CLIC5: variants seen among roughly 807,000 people sequenced by gnomAD.
CLIC5 encodes CLIC family member 5.
In CLIC5, 20 loss-of-function variants were observed where a neutral mutation model predicts 24.7. The observed-to-expected ratio is 0.81, with a 90% CI of 0.57 to 1.18. The LOEUF is 1.18. Ranked by LOEUF, CLIC5 falls within the 50% of genes most tolerant of loss-of-function variation. CLIC5 has a pLI of 0.00. For synonymous variants in CLIC5, 159 were observed against 135.6 expected, an observed-to-expected ratio of 1.17 and a Z score of -1.20; for missense variants, 341 against 326.1, an observed-to-expected ratio of 1.05 and a Z score of -0.35.
At chr6:46,084,794 G>A (rs1762996694), upstream of CLIC5, among the ~76,000 whole-genome samples, 1 of 152,140 alleles carries the variant, frequency 6.6e-6, no homozygotes, top group South Asian at 2.1e-4. Context: ...GACGTTCTCT[G>A]TATTTCCTGA....
chr6:46,016,266 T>C (rs1454627794), upstream of CLIC5, among the ~76,000 whole-genome samples: 7 of 151,988 alleles, frequency 4.6e-5, no homozygotes, highest in Admixed American at 4.6e-4. Flanking sequence ...GTCTTCTGTT[T>C]CTTTAATAAA....
In CLIC5 at chr6:45,979,548, G is replaced by A. The variant is rs1765498367; in HGVS notation, c.64-24304C>T. Among the ~76,000 whole-genome samples, 5 of 152,110 alleles carry A rather than the reference G, an allele frequency of 3.3e-5. 1 individual carries two copies. In the South Asian group the frequency reaches 1.0e-3, roughly 32 times the overall value. On this transcript the variant is annotated intron_variant, in intron 1 of 5. Coordinates refer to ENST00000339561, the MANE Select transcript of CLIC5 (RefSeq NM_016929.5). ...TTCTGCCTTGTCCTGAATCACATTG[G>A]GCTGACAAGATTAGATATTCCTACT...
At chr6:46,125,546 G>A in the CLIC5 span, among the ~76,000 whole-genome samples, 100 of 152,134 alleles carry the variant, frequency 6.6e-4, no homozygotes, top group African/African-American at 1.9e-3. Flanking sequence ...TGCACGTTGT[G>A]CACATGTACC....
Position 45,898,881 on chromosome 6 carries a change from T to C in CLIC5, c.*4207A>G, listed in dbSNP as rs1358904998. ...AAAATACTTCAGATGACTGGATCCT[T>C]AAAAGTACATTTTACCAAAAACAGA... is the stretch of plus-strand genomic sequence containing the variant. On this transcript the variant is annotated 3_prime_UTR_variant, in exon 6 of 6. Coordinates refer to ENST00000339561, the MANE Select transcript of CLIC5 (RefSeq NM_016929.5). 1 of 152,362 alleles carries C rather than the reference T, an allele frequency of 6.6e-6. No individual in the cohort carries two copies. The highest frequency in any genetic ancestry group is 1.5e-5 in the Non-Finnish European group (1 of 68,030). The allele number at this position is 152,362 out of a possible 1,614,324, so 9.4% of individuals were successfully genotyped here. A position where few individuals can be genotyped will look rare whatever the true frequency, so the allele number is the denominator to read the frequency against.
intron 1 of CLIC5, among the ~76,000 whole-genome samples, chr6:45,956,637 C>A (rs1009289069): frequency 2.6e-5 from 4 of 152,142 alleles, no homozygotes; most frequent in Non-Finnish European, 5.9e-5. Context: ...TTCTACCTTG[C>A]AAATTGCTCC....
At chr6:46,056,701 C>T (rs1051728165) in intron 1 of CLIC5, among the ~76,000 whole-genome samples, 1 of 152,148 alleles carries the variant, frequency 6.6e-6, no homozygotes, top group African/African-American at 2.4e-5. Context: ...TACCACTATG[C>T]ACAATGTACA....
intron 1 of CLIC5, among the ~76,000 whole-genome samples, chr6:46,054,578 C>T (rs756161914): frequency 5.3e-5 from 8 of 152,206 alleles, no homozygotes; most frequent in Non-Finnish European, 1.0e-4. Context: ...CCCCCACACC[C>T]CTGACAACAA....
chr6:45,953,783 G>C (rs527411502), intron 2 of CLIC5, among the ~76,000 whole-genome samples: 2 of 152,278 alleles, frequency 1.3e-5, no homozygotes, highest in Admixed American at 1.3e-4. Context: ...GTGTGAACCT[G>C]GAAAGATGAA....
At chr6:45,977,412 A>T (rs887496244) in intron 1 of CLIC5, among the ~76,000 whole-genome samples, 2 of 152,182 alleles carry the variant, frequency 1.3e-5, no homozygotes, top group East Asian at 1.9e-4. Context: ...AACCCCCCAG[A>T]TCTGGAGCCC....
the CLIC5 span, among the ~76,000 whole-genome samples, chr6:46,123,843 GA>G: frequency 1.3e-5 from 2 of 152,162 alleles, no homozygotes; most frequent in Non-Finnish European, 2.9e-5. Flanking sequence ...TTGCTTCAAA[GA>G]GAATAAAATA....
At chr6:46,103,432 C>G in the CLIC5 span, among the ~76,000 whole-genome samples, 2 of 152,144 alleles carry the variant, frequency 1.3e-5, no homozygotes, top group Admixed American at 6.6e-5. Flanking sequence ...TAGGTTTTGT[C>G]TGAGGCCTTT....
chr6:45,884,709 G>C (rs556280798), intron 6 of CLIC5, among the ~76,000 whole-genome samples: 3 of 152,254 alleles, frequency 2.0e-5, no homozygotes, highest in East Asian at 3.9e-4. Context: ...GGCAGTTACT[G>C]GTCATGGCAG....
At chr6:46,011,317 TCAG>T (rs1030026212) in intron 1 of CLIC5, among the ~76,000 whole-genome samples, 1 of 152,216 alleles carries the variant, frequency 6.6e-6, no homozygotes, top group Non-Finnish European at 1.5e-5. Context: ...GGACATTTAA[TCAG>T]CATTAGCAAG....
chr6:45,918,027 A>T (rs1011411973), intron 4 of CLIC5, among the ~76,000 whole-genome samples: 2 of 152,152 alleles, frequency 1.3e-5, no homozygotes, highest in Non-Finnish European at 2.9e-5. Flanking sequence ...GACTTGATAG[A>T]TACCCAGTGT....
At chr6:45,970,864 T>C (rs531734296) in intron 1 of CLIC5, among the ~76,000 whole-genome samples, 1 of 152,334 alleles carries the variant, frequency 6.6e-6, no homozygotes, top group East Asian at 1.9e-4. Flanking sequence ...AGACAATGCC[T>C]ACATCTGAAT....
intron 3 of CLIC5, 133 bp downstream of exon 3, chr6:45,949,123 G>A (rs907104005): frequency 1.5e-5 from 18 of 1,212,902 alleles, no homozygotes; most frequent in Middle Eastern, 2.1e-4. Flanking sequence ...CTCTCTCTTT[G>A]AAGAAAGGGT....
chr6:46,107,872 C>T, the CLIC5 span, among the ~76,000 whole-genome samples: 1 of 151,924 alleles, frequency 6.6e-6, no homozygotes, highest in Non-Finnish European at 1.5e-5. Flanking sequence ...CCTGTCTCTA[C>T]TAAAAATACA....
chr6:45,909,865 C>A (rs181062296), intron 5 of CLIC5, among the ~76,000 whole-genome samples: 8 of 152,310 alleles, frequency 5.3e-5, no homozygotes, highest in Admixed American at 2.6e-4. Flanking sequence ...AGACCATTGA[C>A]CCTGGGATCC....
intron 1 of CLIC5, among the ~76,000 whole-genome samples, chr6:46,028,200 A>G (rs1356461518): frequency 6.6e-6 from 1 of 152,236 alleles, no homozygotes; most frequent in African/African-American, 2.4e-5. Context: ...TAAAAGGCAG[A>G]AGGATGCAAA....
Sources: gnomAD v4.1 joint callset for allele counts (sites outside exome capture counted in the v4.1 genomes callset) on GRCh38, gnomAD v4.1.1 for gene constraint, MANE v1.5 for transcripts, NCBI Gene and HGNC (gene_info 2026-07-23, HGNC 2026-07-21) for gene names.